CCDC149: variants seen among roughly 807,000 people sequenced by gnomAD.
The protein encoded by CCDC149 is coiled-coil domain-containing protein 149.
A neutral mutation model predicts 59.9 loss-of-function variants in CCDC149; 45 were observed. The observed-to-expected ratio is 0.75, with a 90% CI of 0.59 to 0.96. CCDC149 has a LOEUF of 0.96. Ranked by LOEUF, CCDC149 falls within the 40% of genes least tolerant of loss-of-function variation. CCDC149 has a pLI of 0.00. For missense variants in CCDC149, 584 were observed against 664.7 expected, an observed-to-expected ratio of 0.88 and a Z score of 1.33; for synonymous variants, 245 against 260.6, an observed-to-expected ratio of 0.94 and a Z score of 0.58.
chr4:24,897,569 G>A (rs1275895119), intron 1 of CCDC149, among the ~76,000 whole-genome samples: 1 of 152,234 alleles, frequency 6.6e-6, no homozygotes, highest in Admixed American at 6.5e-5. Flanking sequence ...CCCAGAGAGA[G>A]GTTGCTATGA....
intron 1 of CCDC149, among the ~76,000 whole-genome samples, chr4:24,945,128 G>T (rs988892976): frequency 6.6e-6 from 1 of 152,214 alleles, no homozygotes; most frequent in African/African-American, 2.4e-5. Context: ...TCCCAGGCTT[G>T]TTGACCCAGT....
chr4:24,836,599 C>G lies in CCDC149; in HGVS notation c.663-91G>C, dbSNP rs1021431878. 3 of 776,826 alleles carry G rather than the reference C, an allele frequency of 3.9e-6. No homozygotes were observed. In the African/African-American group the frequency reaches 5.2e-5, roughly 13 times the overall value. The allele number at this position is 776,826 out of a possible 1,614,324, so 48.1% of individuals were successfully genotyped here. ...AAGGGGAAAAAACAAAAACCACTTG[C>G]CAGAAGAGCTATCTTTTACACATAA... On this transcript the variant is annotated intron_variant, in intron 6 of 12. Coordinates refer to ENST00000635206, the MANE Select transcript of CCDC149 (RefSeq NM_001330643.2).
intron 1 of CCDC149, among the ~76,000 whole-genome samples, chr4:24,879,568 C>T (rs1359751921): frequency 2.6e-5 from 4 of 151,560 alleles, no homozygotes; most frequent in African/African-American, 9.7e-5. Flanking sequence ...GCCTGTAATC[C>T]CAGCTACTTG....
intron 1 of CCDC149, among the ~76,000 whole-genome samples, chr4:24,976,862 C>T (rs1409947729): frequency 1.3e-5 from 2 of 152,078 alleles, no homozygotes; most frequent in African/African-American, 2.4e-5. Flanking sequence ...AAGCTATGTG[C>T]GATTGTGGAG....
chr4:24,922,317 T>C (rs1279041613), intron 1 of CCDC149, among the ~76,000 whole-genome samples: 6 of 152,206 alleles, frequency 3.9e-5, no homozygotes, highest in Non-Finnish European at 8.8e-5. Context: ...TAGAGAATGT[T>C]CACTTTGTGT....
chr4:24,859,311 T>C (rs980118932), intron 3 of CCDC149, among the ~76,000 whole-genome samples: 2 of 152,204 alleles, frequency 1.3e-5, no homozygotes, highest in Admixed American at 6.5e-5. Context: ...TAAGCTATGA[T>C]GTAGGGTGGA....
At chr4:24,939,558 G>A (rs1054835074) in intron 1 of CCDC149, among the ~76,000 whole-genome samples, 6 of 152,322 alleles carry the variant, frequency 3.9e-5, no homozygotes, top group Middle Eastern at 3.4e-3. Flanking sequence ...TGACTTTGAC[G>A]AGTTGAGAGA....
chr4:24,918,349 T>A (rs1560256364), intron 1 of CCDC149, among the ~76,000 whole-genome samples: 2 of 152,206 alleles, frequency 1.3e-5, no homozygotes, highest in Admixed American at 6.5e-5. Context: ...TGGCCAGTGC[T>A]GGTAAAATAT....
intron 1 of CCDC149, among the ~76,000 whole-genome samples, chr4:24,978,708 G>A (rs952180811): frequency 3.3e-5 from 5 of 152,034 alleles, no homozygotes; most frequent in East Asian, 1.9e-4. Context: ...GCCACCCACC[G>A]CCCACCAGAG....
intron 1 of CCDC149, among the ~76,000 whole-genome samples, chr4:24,903,109 C>G (rs1220603058): frequency 6.6e-6 from 1 of 151,342 alleles, no homozygotes; most frequent in Non-Finnish European, 1.5e-5. Context: ...TCCTGCAACC[C>G]TTACCCTAAT....
At chr4:24,824,554 T>A (rs1001765522) in intron 9 of CCDC149, among the ~76,000 whole-genome samples, 5 of 152,186 alleles carry the variant, frequency 3.3e-5, no homozygotes, top group African/African-American at 1.2e-4. Context: ...GTTATCCTCC[T>A]TTTACATGTG....
At chr4:24,822,197 C>A (rs1715449460) in intron 10 of CCDC149, among the ~76,000 whole-genome samples, 2 of 151,800 alleles carry the variant, frequency 1.3e-5, no homozygotes, top group Admixed American at 6.6e-5. Flanking sequence ...ACTACATTCA[C>A]AAAAGTTAAA....
At chr4:24,895,087 A>G (rs1560242591) in intron 1 of CCDC149, 3 of 1,272,080 alleles carry the variant, frequency 2.4e-6, no homozygotes, top group Non-Finnish European at 3.3e-6. Flanking sequence ...TGACGTGGCA[A>G]CTATCCACTA....
rs372632569 is a variant in CCDC149 at position 24,854,678 on chromosome 4, G to T, written c.265-1499C>A. Among the ~76,000 whole-genome samples, 3 of 152,288 alleles carry T rather than the reference G, an allele frequency of 2.0e-5. No individual in the cohort carries two copies. In the East Asian group the frequency reaches 5.8e-4, roughly 29 times the overall value. ...GGTGGGTACTAAAAACAGAATTAAA[G>T]GGAAAAGAAGATAACGATTACATGT... On this transcript the variant is annotated intron_variant, in intron 3 of 12. Transcript: ENST00000635206.
intron 1 of CCDC149, among the ~76,000 whole-genome samples, chr4:24,904,691 C>A (rs1721370029): frequency 6.6e-6 from 1 of 152,144 alleles, no homozygotes; most frequent in Non-Finnish European, 1.5e-5. Flanking sequence ...CCCTGTCAGC[C>A]CTTAGCTGAT....
intron 1 of CCDC149, among the ~76,000 whole-genome samples, chr4:24,975,089 T>C (rs988163640): frequency 3.9e-5 from 6 of 152,090 alleles, no homozygotes; most frequent in South Asian, 2.1e-4. Flanking sequence ...TCTCTTGCCT[T>C]ATGCCATGTG....
chr4:24,805,399 C>A (rs1403964063), downstream of CCDC149, among the ~76,000 whole-genome samples: 2 of 152,160 alleles, frequency 1.3e-5, no homozygotes, highest in African/African-American at 4.8e-5. Flanking sequence ...ATAGCCCCTC[C>A]CCTTAACTCC....
At chr4:24,843,627 C>A (rs556576101) in intron 4 of CCDC149, among the ~76,000 whole-genome samples, 27 of 152,164 alleles carry the variant, frequency 1.8e-4, no homozygotes, top group Non-Finnish European at 3.5e-4. Context: ...TAAAACAAAG[C>A]AAATCAAAAC....
At chr4:24,875,222 C>T (rs941672766) in intron 2 of CCDC149, among the ~76,000 whole-genome samples, 4 of 151,456 alleles carry the variant, frequency 2.6e-5, no homozygotes, top group Non-Finnish European at 5.9e-5. Context: ...CCCAGCTACT[C>T]GGGAGGCTGA....
Sources: gnomAD v4.1 joint callset for allele counts (sites outside exome capture counted in the v4.1 genomes callset) on GRCh38, gnomAD v4.1.1 for gene constraint, MANE v1.5 for transcripts, NCBI Gene and HGNC (gene_info 2026-07-23, HGNC 2026-07-21) for gene names.